EPB41: variants seen among roughly 807,000 people sequenced by gnomAD.
EPB41 encodes the protein protein 4.1.
In EPB41, 65 loss-of-function variants were observed where a neutral mutation model predicts 108.0. That is an observed-to-expected ratio of 0.60 (90% CI 0.49 to 0.74). The LOEUF (loss-of-function observed/expected upper bound fraction) is 0.74, where lower values mean the gene tolerates loss of function less well. Ranked by LOEUF, EPB41 falls within the 30% of genes least tolerant of loss-of-function variation. The probability of loss-of-function intolerance (pLI) is 0.00; values close to 1 mark genes in which losing one functional copy is unlikely to be tolerated. For missense variants in EPB41, 875 were observed against 1,037.0 expected, an observed-to-expected ratio of 0.84 and a Z score of 2.15; for synonymous variants, 336 against 358.9, an observed-to-expected ratio of 0.94 and a Z score of 0.72.
intron 1 of EPB41, among the ~76,000 whole-genome samples, chr1:28,924,936 A>T (rs2093352380): frequency 6.8e-6 from 1 of 147,458 alleles, no homozygotes; most frequent in Non-Finnish European, 1.5e-5. Context: ...AGCTGAGACT[A>T]CAGGCACACA....
intron 14 of EPB41, among the ~76,000 whole-genome samples, chr1:29,059,346 A>G (rs557881612): frequency 3.2e-4 from 48 of 152,298 alleles, no homozygotes; most frequent in African/African-American, 1.0e-3. Flanking sequence ...GTAGCAAAAT[A>G]TGTTTTTAAG....
intron 16 of EPB41, among the ~76,000 whole-genome samples, chr1:29,095,795 T>G (rs111694634): frequency 6.6e-6 from 1 of 152,074 alleles, no homozygotes; most frequent in African/African-American, 2.4e-5. Context: ...GAATATATTT[T>G]GATTGATGCA....
intron 11 of EPB41, among the ~76,000 whole-genome samples, chr1:29,047,251 TC>T (rs1643499828): frequency 1.4e-5 from 2 of 140,580 alleles, no homozygotes; most frequent in Non-Finnish European, 3.0e-5. Flanking sequence ...TTTCTTTCTT[TC>T]CTTTTTTTTT....
chr1:29,055,027 G>C (rs1645133893), intron 12 of EPB41, among the ~76,000 whole-genome samples: 1 of 152,066 alleles, frequency 6.6e-6, no homozygotes, highest in Non-Finnish European at 1.5e-5. Context: ...GACAGAGCAA[G>C]ACTCCGTCTC....
intron 12 of EPB41, 112 bp from the exon 13 acceptor site, chr1:29,058,477 G>A (rs928194348): frequency 4.7e-5 from 43 of 906,936 alleles, no homozygotes; most frequent in Middle Eastern, 2.8e-4. Context: ...TGATGATTAC[G>A]TATCAGCGTA....
intron 7 of EPB41, among the ~76,000 whole-genome samples, chr1:29,029,148 A>G (rs941474907): frequency 1.3e-5 from 2 of 152,238 alleles, no homozygotes; most frequent in African/African-American, 4.8e-5. Context: ...CTTAGATGGA[A>G]AAAAATTAAA....
intron 1 of EPB41, among the ~76,000 whole-genome samples, chr1:28,977,204 A>C (rs2095626836): frequency 6.6e-6 from 1 of 152,046 alleles, no homozygotes; most frequent in African/African-American, 2.4e-5. Flanking sequence ...TAATACCTAG[A>C]ATTAAATCAT....
At chr1:29,047,205 C>T (rs1403738080) in intron 11 of EPB41, among the ~76,000 whole-genome samples, 1 of 136,054 alleles carries the variant, frequency 7.4e-6, no homozygotes, top group Non-Finnish European at 1.5e-5. Context: ...TGTTCTAGTT[C>T]TTGTTTCAGT....
At chr1:28,997,073 G>A in intron 3 of EPB41, 142 bp from the exon 4 acceptor site, 1 of 705,426 alleles carries the variant, frequency 1.4e-6, no homozygotes. Context: ...GATCACTTGA[G>A]CCCAGGAGGT....
intron 1 of EPB41, among the ~76,000 whole-genome samples, chr1:28,950,285 G>A (rs2094663560): frequency 1.3e-5 from 2 of 152,194 alleles, no homozygotes; most frequent in Non-Finnish European, 2.9e-5. Context: ...CTGTGGCTTA[G>A]AGATGTTATG....
chr1:28,982,139 G>A (rs1361007818), intron 1 of EPB41: 1 of 312,256 alleles, frequency 3.2e-6, no homozygotes, highest in African/African-American at 2.2e-5. Flanking sequence ...GTGAGAACAT[G>A]CGGTGTTTGG....
intron 1 of EPB41, among the ~76,000 whole-genome samples, chr1:28,985,367 T>C (rs994718000): frequency 2.0e-5 from 3 of 152,140 alleles, no homozygotes; most frequent in Non-Finnish European, 4.4e-5. Context: ...TATAGAACTT[T>C]TAGCTGGAGA....
intron 1 of EPB41, among the ~76,000 whole-genome samples, chr1:28,975,696 C>A (rs746188425): frequency 6.6e-6 from 1 of 152,008 alleles, no homozygotes; most frequent in Non-Finnish European, 1.5e-5. Flanking sequence ...TGGCCAGGCG[C>A]GGTGGCTCAC....
chr1:29,037,350 G>C (rs1639890414), intron 10 of EPB41, among the ~76,000 whole-genome samples: 1 of 152,116 alleles, frequency 6.6e-6, no homozygotes, highest in African/African-American at 2.4e-5. Flanking sequence ...CCAGAGTGCT[G>C]GGATTACAGG....
intron 1 of EPB41, among the ~76,000 whole-genome samples, chr1:28,921,591 G>A (rs1427645967): frequency 6.6e-6 from 1 of 151,850 alleles, no homozygotes; most frequent in Non-Finnish European, 1.5e-5. Context: ...CCCACTTGCT[G>A]TTTCTTGCCC....
At chr1:28,985,582 A>C (rs1052855602) in intron 1 of EPB41, 2 of 152,244 alleles carry the variant, frequency 1.3e-5, no homozygotes, top group African/African-American at 4.8e-5. Flanking sequence ...CCAGCCTTCA[A>C]ATAGGCAGGA....
At chr1:29,050,494 G>A (rs1305336465) in intron 11 of EPB41, among the ~76,000 whole-genome samples, 9 of 152,202 alleles carry the variant, frequency 5.9e-5, no homozygotes. Flanking sequence ...AAACACAACT[G>A]TGAGCAAAAT....
At chr1:29,059,784 A>C (rs1023418747) in intron 14 of EPB41, among the ~76,000 whole-genome samples, 4 of 151,984 alleles carry the variant, frequency 2.6e-5, no homozygotes, top group Non-Finnish European at 5.9e-5. Flanking sequence ...TCTCCAAAAA[A>C]ACACCCACTG....
intron 5 of EPB41, 65 bp downstream of exon 5, chr1:29,011,972 A>G: frequency 6.4e-7 from 1 of 1,569,482 alleles, no homozygotes; most frequent in Admixed American, 1.7e-5. Context: ...ATTTCCAACC[A>G]TTTCTGGCTG....
Sources: allele counts gnomAD v4.1 joint callset (sites outside exome capture counted in the v4.1 genomes callset), GRCh38; gene constraint gnomAD v4.1.1; transcripts MANE v1.5; gene names NCBI Gene and HGNC (gene_info 2026-07-23, HGNC 2026-07-21).